MCCC2: variants seen among roughly 807,000 people sequenced by gnomAD.
MCCC2 encodes the protein methylcrotonyl-CoA carboxylase subunit 2, also known as methylcrotonoyl-CoA carboxylase beta chain, mitochondrial.
Under a neutral mutation model 77.2 loss-of-function variants are expected in MCCC2, and 52 were observed. The ratio of observed to expected loss-of-function variants is 0.67; its 90% confidence interval spans 0.54 to 0.85. The LOEUF (loss-of-function observed/expected upper bound fraction) is 0.85. Ranked by LOEUF, MCCC2 falls within the 40% of genes least tolerant of loss-of-function variation. MCCC2 has a pLI of 0.00. For synonymous variants in MCCC2, 253 were observed against 248.4 expected (o/e 1.02, Z -0.18); for missense variants, 682 against 703.2 (o/e 0.97, Z 0.34).
intron 4 of MCCC2, among the ~76,000 whole-genome samples, chr5:71,601,545 A>G (rs892515635): frequency 1.2e-4 from 18 of 152,334 alleles, no homozygotes; most frequent in Admixed American, 3.9e-4. Flanking sequence ...TGATGCTCAA[A>G]GAAGAGTCCT....
chr5:71,614,041 C>CACACACACACACAG (rs1746067151), intron 6 of MCCC2, among the ~76,000 whole-genome samples: 1 of 151,428 alleles, frequency 6.6e-6, no homozygotes, highest in South Asian at 2.1e-4. Flanking sequence ...CACACACACA[C>CACACACACACACAG]ACACACACAT....
rs1467697189 is a variant in MCCC2, at chr5:71,607,662, T to G, written c.624+3194T>G. ...CTTGCTTTTCTAGTTCTTTTAATTG[T>G]GATGTTAGGGTGTCAATTTTGGATC... On this transcript the variant is annotated intron_variant, in intron 6 of 16. Coordinates refer to ENST00000340941, the MANE Select transcript of MCCC2 (RefSeq NM_022132.5). Among the ~76,000 whole-genome samples, 787 of 147,372 alleles carry G rather than the reference T, an allele frequency of 5.3e-3. 8 individuals carry two copies. Among genetic ancestry groups the G allele is most frequent in the African/African-American group, 0.019 (753 of 40,022 alleles).
intron 6 of MCCC2, 45 bp downstream of exon 6, chr5:71,604,513 A>C (rs539624448): frequency 1.4e-6 from 2 of 1,416,948 alleles, no homozygotes; most frequent in Non-Finnish European, 2.0e-6. Context: ...TTTTACTCTT[A>C]AGTATCTTTA....
intron 1 of MCCC2, among the ~76,000 whole-genome samples, chr5:71,589,368 C>T (rs1009015307): frequency 1.3e-5 from 2 of 152,244 alleles, no homozygotes; most frequent in Non-Finnish European, 2.9e-5. Context: ...GTTTCTTAAT[C>T]TCTCACTCGT....
chr5:71,633,091 T>TTATATATATATA (rs137979624), intron 8 of MCCC2, among the ~76,000 whole-genome samples: 93 of 84,196 alleles, frequency 1.1e-3, no homozygotes, highest in African/African-American at 4.4e-3. Context: ...TTTTTCAGTT[T>TTATATATATATA]TATATATATA....
chr5:71,613,631 G>A (rs1401311072), intron 6 of MCCC2, among the ~76,000 whole-genome samples: 1 of 152,142 alleles, frequency 6.6e-6, no homozygotes, highest in African/African-American at 2.4e-5. Flanking sequence ...AGCTGTTTGG[G>A]AGGCTGAAGC....
intron 10 of MCCC2, among the ~76,000 whole-genome samples, chr5:71,639,028 A>G (rs1747029666): frequency 6.6e-6 from 1 of 152,218 alleles, no homozygotes; most frequent in Non-Finnish European, 1.5e-5. Context: ...AGGTCTCAAC[A>G]GTGGCCTTAA....
intron 3 of MCCC2, among the ~76,000 whole-genome samples, chr5:71,597,538 AGTG>A (rs1745236151): frequency 8.7e-6 from 1 of 115,156 alleles, no homozygotes; most frequent in Non-Finnish European, 1.9e-5. Context: ...GGGTAGTAGT[AGTG>A]GTGGTGGCAG....
At chr5:71,607,145 G>A (rs1456136157) in intron 6 of MCCC2, among the ~76,000 whole-genome samples, 1 of 152,092 alleles carries the variant, frequency 6.6e-6, no homozygotes, top group Non-Finnish European at 1.5e-5. Flanking sequence ...AGTTTCAGAA[G>A]GAATGGTACC....
At chr5:71,641,481 C>A in intron 11 of MCCC2, 1 of 257,292 alleles carries the variant, frequency 3.9e-6, no homozygotes, top group South Asian at 4.5e-5. Flanking sequence ...TTGTGTTTAG[C>A]TTCCCAGAAG....
At chr5:71,590,398 G>A (rs1299648658) in intron 1 of MCCC2, among the ~76,000 whole-genome samples, 2 of 152,128 alleles carry the variant, frequency 1.3e-5, no homozygotes, top group Admixed American at 6.6e-5. Context: ...AGCTTCAGTG[G>A]GTCAGTGCTT....
intron 6 of MCCC2, among the ~76,000 whole-genome samples, chr5:71,606,957 G>A (rs1260859765): frequency 2.0e-5 from 3 of 151,296 alleles, no homozygotes; most frequent in African/African-American, 4.9e-5. Context: ...GCTTTTTGAT[G>A]TGCTGCTGGA....
At chr5:71,632,323 T>TA (rs1006777289) in intron 8 of MCCC2, 138 bp downstream of exon 8, 1 of 809,424 alleles carries the variant, frequency 1.2e-6, no homozygotes, top group African/African-American at 1.7e-5. Flanking sequence ...TCTGCTGGTT[T>TA]AATGTTCAAT....
At chr5:71,618,015 G>A (rs1342724767) in intron 6 of MCCC2, among the ~76,000 whole-genome samples, 1 of 151,912 alleles carries the variant, frequency 6.6e-6, no homozygotes, top group Admixed American at 6.6e-5. Context: ...CCCCTTAATC[G>A]TTTCTGGAGT....
At chr5:71,635,502 A>G in intron 10 of MCCC2, 1 of 528,306 alleles carries the variant, frequency 1.9e-6, no homozygotes, top group Non-Finnish European at 3.5e-6. Context: ...TGATTTGGTC[A>G]TAAGTAAGAC....
chr5:71,613,763 A>G (rs1746053769), intron 6 of MCCC2, among the ~76,000 whole-genome samples: 1 of 151,954 alleles, frequency 6.6e-6, no homozygotes, highest in Admixed American at 6.6e-5. Flanking sequence ...TTTATAATAT[A>G]TAATATATCA....
rs183848417 is a variant in MCCC2 at position 71,610,091 on chromosome 5, C to T, written c.624+5623C>T. Among the ~76,000 whole-genome samples, 923 of 152,342 alleles carry T rather than the reference C, an allele frequency of 6.1e-3. 13 individuals are homozygous for T. The highest frequency in any genetic ancestry group is 0.021 in the African/African-American group (886 of 41,584). ...AGGCCTCCTTGAGCTGTGGTGGGCTCCACCCAGTTCGAGCTTCCTGGCTGC... is the reference window on the plus strand; with the variant it reads ...AGGCCTCCTTGAGCTGTGGTGGGCTTCACCCAGTTCGAGCTTCCTGGCTGC... On this transcript the variant is annotated intron_variant, in intron 6 of 16. Transcript: ENST00000340941.
intron 6 of MCCC2, among the ~76,000 whole-genome samples, chr5:71,612,249 T>C (rs1054942589): frequency 6.6e-6 from 1 of 152,234 alleles, no homozygotes; most frequent in Admixed American, 6.5e-5. Context: ...GATGCTGCTA[T>C]TGTGTTTTCA....
rs931217811 is a variant in MCCC2 at position 71,637,576 on chromosome 5, G to A, written c.999+2330G>A. ...GATGCTAATGACAGCCAACTAATCA[G>A]GGTAGAGGTTGCTGAAGGTTGGGGT... On this transcript the variant is annotated intron_variant, in intron 10 of 16. Coordinates refer to ENST00000340941, the MANE Select transcript of MCCC2 (RefSeq NM_022132.5). 2.6e-5 allele frequency among the ~76,000 whole-genome samples: 4 copies of A among 152,174 alleles called. No homozygotes were observed. The South Asian group carries it at 8.3e-4, about 32-fold the overall frequency.
Sources: gnomAD v4.1 joint callset for allele counts (sites outside exome capture counted in the v4.1 genomes callset) on GRCh38, gnomAD v4.1.1 for gene constraint, MANE v1.5 for transcripts, NCBI Gene and HGNC (gene_info 2026-07-23, HGNC 2026-07-21) for gene names.